ZFAND4: variants seen among roughly 807,000 people sequenced by gnomAD.
ZFAND4 encodes the protein AN1-type zinc finger protein 4.
In ZFAND4, 43 loss-of-function variants were observed where a neutral mutation model predicts 64.4. The observed-to-expected ratio is 0.67, with a 90% CI of 0.52 to 0.86. The LOEUF is 0.86. ZFAND4 is among the 40% of genes least tolerant of loss of function. The pLI, the probability that ZFAND4 is intolerant of heterozygous loss-of-function variation, is 0.00. For synonymous variants in ZFAND4, 296 were observed against 305.7 expected, an observed-to-expected ratio of 0.97 and a Z score of 0.33; for missense variants, 929 against 859.8, an observed-to-expected ratio of 1.08 and a Z score of -1.01.
intron 6 of ZFAND4, among the ~76,000 whole-genome samples, chr10:45,628,360 T>C (rs1160859695): frequency 1.3e-5 from 2 of 152,204 alleles, no homozygotes. Flanking sequence ...AGTTGTCGCC[T>C]AGGCAGGAGT....
intron 6 of ZFAND4, among the ~76,000 whole-genome samples, chr10:45,635,209 A>AC (rs754075485): frequency 0.023 from 3,294 of 144,016 alleles, 61 homozygotes; most frequent in East Asian, 0.037. Context: ...AAAAAAAAAA[A>AC]AAAACAAAAA....
Position 45,648,285 on chromosome 10 carries a change from A to G in ZFAND4, c.569+9T>C. 6.3e-7 allele frequency: 1 copy of G among 1,584,152 alleles called. No homozygotes were observed. Among genetic ancestry groups the G allele is most frequent in the Non-Finnish European group, 8.6e-7 (1 of 1,166,994 alleles). On this transcript the variant is annotated intron_variant, in intron 5 of 9. Transcript: ENST00000344646. ...GACAACACAAGGTAAACAAAAGTTT[A>G]TGGAGTACCTCATACGATGTTCTCC...
rs11592669 is a variant in ZFAND4, at chr10:45,647,917, C to T, written c.569+377G>A. Among the ~76,000 whole-genome samples, 298 of 152,236 alleles carry T rather than the reference C, an allele frequency of 2.0e-3. 3 individuals are homozygous for T. Among genetic ancestry groups the T allele is most frequent in the Non-Finnish European group, 3.6e-3 (243 of 68,010 alleles). ...GATTTTAGAATATTACAATTTATCT[C>T]CCTTTTATAGAGTAGGAAAACAAGA... On this transcript the variant is annotated intron_variant, in intron 5 of 9. Transcript: ENST00000344646.
At chr10:45,627,863 G>T (rs76608282) in intron 6 of ZFAND4, among the ~76,000 whole-genome samples, 9,096 of 152,222 alleles carry the variant, frequency 0.06, 395 homozygotes, top group African/African-American at 0.12. Flanking sequence ...CACTGAAAGA[G>T]GACTCTAGGA....
chr10:45,626,353 T>C lies in ZFAND4; in HGVS notation c.1470A>G (p.Pro490=). 1 of 1,614,240 alleles carries C rather than the reference T, an allele frequency of 6.2e-7. No homozygotes were observed. Among genetic ancestry groups the C allele is most frequent in the Non-Finnish European group, 8.5e-7 (1 of 1,180,040 alleles). Residue 490 remains proline, a synonymous_variant, in exon 7 of 10, where the codon CCA becomes CCG. Coordinates refer to ENST00000344646, the MANE Select transcript of ZFAND4 (RefSeq NM_174890.4). ...PMSLHNSLVK[P]ERQSKCFEFG... ...ACTCAAAACATTTGGACTGTCTCTCTGGTTTCACCAGAGAATTATGTAGCG... is the reference window on the plus strand; with the variant it reads ...ACTCAAAACATTTGGACTGTCTCTCCGGTTTCACCAGAGAATTATGTAGCG...
At position 45,634,357 on chromosome 10, in the gene ZFAND4, T is replaced by C. The variant is rs188965441; in HGVS notation, c.717+5459A>G. 1.0e-3 allele frequency among the ~76,000 whole-genome samples: 157 copies of C among 152,050 alleles called. 2 individuals carry two copies. The highest frequency in any genetic ancestry group is 1.9e-3 in the Non-Finnish European group (129 of 67,968). ...GGCCAACATGGTGAAACCCCATCTC[T>C]ATTAAAAATACAAAAATTAGTTGGG... is the stretch of plus-strand genomic sequence containing the variant. On this transcript the variant is annotated intron_variant, in intron 6 of 9. Coordinates refer to ENST00000344646, the MANE Select transcript of ZFAND4 (RefSeq NM_174890.4).
At chr10:45,634,252 C>T (rs1304650631) in intron 6 of ZFAND4, among the ~76,000 whole-genome samples, 2 of 152,130 alleles carry the variant, frequency 1.3e-5, no homozygotes, top group African/African-American at 2.4e-5. Context: ...CAGCCAGGCG[C>T]GGTGGCTCAT....
chr10:45,642,299 CAT>C (rs71023140), intron 5 of ZFAND4, among the ~76,000 whole-genome samples: 2,631 of 150,686 alleles, frequency 0.017, 82 homozygotes, highest in African/African-American at 0.059. Context: ...TACATACACA[CAT>C]ATATATATAT....
chr10:45,625,062 A>T (rs1424287028), intron 7 of ZFAND4, among the ~76,000 whole-genome samples: 1 of 151,894 alleles, frequency 6.6e-6, no homozygotes, highest in Admixed American at 6.6e-5. Flanking sequence ...CTGTAGTCCC[A>T]GGGACTCAAG....
At chr10:45,648,921 T>G in intron 4 of ZFAND4, 3 of 982,154 alleles carry the variant, frequency 3.1e-6, no homozygotes, top group Non-Finnish European at 3.6e-6. Context: ...TTTTCAAATA[T>G]TGGTTCCAAC....
chr10:45,653,040 T>C lies in ZFAND4; in HGVS notation c.204A>G (p.Gln68=), dbSNP rs200492499. ...RRLEGIPICR[Q]HLIWNNMELE... ...GTTCCATGTTATTCCAAATTAAGTG[T>C]TGTCGACAGATGGGAATACCTTAAG... The change falls in exon 3 of 10, where the codon CAA becomes CAG. Residue 68 remains glutamine, a synonymous_variant. Coordinates refer to ENST00000344646, the MANE Select transcript of ZFAND4 (RefSeq NM_174890.4). The C allele has an allele frequency of 7.8e-5, 125 of 1,611,480 alleles. No individual in the cohort carries two copies. The highest frequency in any genetic ancestry group is 9.8e-5 in the Non-Finnish European group (115 of 1,178,636).
chr10:45,624,421 C>T (rs1443973684), intron 8 of ZFAND4, among the ~76,000 whole-genome samples, 162 bp downstream of exon 8: 1 of 152,022 alleles, frequency 6.6e-6, no homozygotes, highest in African/African-American at 2.4e-5. Context: ...TCCTACAGTC[C>T]GTTCTCATAA....
At chr10:45,631,370 TAA>T (rs199684761) in intron 6 of ZFAND4, among the ~76,000 whole-genome samples, 7 of 133,618 alleles carry the variant, frequency 5.2e-5, no homozygotes, top group African/African-American at 2.0e-4. Context: ...AATAAAGTAC[TAA>T]AAAAAAAAAA....
chr10:45,626,427 G>A lies in ZFAND4; in HGVS notation c.1396C>T (p.Pro466Ser). 6.2e-7 allele frequency: 1 copy of A among 1,613,824 alleles called. No homozygotes were observed. The highest frequency in any genetic ancestry group is 8.5e-7 in the Non-Finnish European group (1 of 1,180,010). Residue 466 changes from proline to serine, a missense_variant, in exon 7 of 10, where the codon CCT becomes TCT. Transcript: ENST00000344646. Reference sequence around the variant, plus strand: ...GGTGACAAGAGTCTATTCTTGTGAGGACTTAATTCCCGGTAGTTAAGAACT... The same window carrying A: ...GGTGACAAGAGTCTATTCTTGTGAGAACTTAATTCCCGGTAGTTAAGAACT... The part of the protein sequence containing the change: ...TSVLNYRELS[P>S]HKNRLLSPLR...
chr10:45,666,936 C>T (rs1271899838), intron 1 of ZFAND4, among the ~76,000 whole-genome samples: 1 of 152,086 alleles, frequency 6.6e-6, no homozygotes, highest in East Asian at 1.9e-4. Context: ...AGTGTGAGGC[C>T]TCCAATTTGT....
Position 45,616,594 on chromosome 10 carries a change from G to A in ZFAND4, c.2049-23C>T, listed in dbSNP as rs377077638. The A allele has an allele frequency of 3.7e-6, 6 of 1,613,106 alleles. No individual in the cohort carries two copies. The African/African-American group carries it at 4.0e-5, about 11-fold the overall frequency. The stretch of plus-strand genomic sequence containing the variant: ...CATCTAAAGCACAAAAAAAGTTTAC[G>A]TGAATAGTTGTATTTCTATGAAAGG... On this transcript the variant is annotated intron_variant, in intron 9 of 9. Coordinates refer to ENST00000344646, the MANE Select transcript of ZFAND4 (RefSeq NM_174890.4).
chr10:45,639,037 A>C (rs1385652274), intron 6 of ZFAND4, among the ~76,000 whole-genome samples: 1 of 152,204 alleles, frequency 6.6e-6, no homozygotes, highest in African/African-American at 2.4e-5. Flanking sequence ...GTGTATATAA[A>C]TGTAAAAATT....
chr10:45,629,182 T>A (rs561380246), intron 6 of ZFAND4, among the ~76,000 whole-genome samples: 1 of 152,058 alleles, frequency 6.6e-6, no homozygotes, highest in African/African-American at 2.4e-5. Context: ...GGTCAATCGA[T>A]CCTCCGAGCA....
chr10:45,617,805 T>C (rs2045112209), intron 9 of ZFAND4: 1 of 152,794 alleles, frequency 6.5e-6, no homozygotes, highest in African/African-American at 2.4e-5. Context: ...ATTTTTTAAT[T>C]AAATTTTTAA....
Sources: gnomAD v4.1 joint callset for allele counts (sites outside exome capture counted in the v4.1 genomes callset) on GRCh38, gnomAD v4.1.1 for gene constraint, MANE v1.5 for transcripts, NCBI Gene and HGNC (gene_info 2026-07-23, HGNC 2026-07-21) for gene names.